Variants in NTM observed in about 807,000 individuals in gnomAD.
NTM encodes IgLON family member 2.
A neutral mutation model predicts 42.1 loss-of-function variants in NTM; 13 were observed. The observed-to-expected ratio is 0.31, with a 90% CI of 0.20 to 0.49. The LOEUF (loss-of-function observed/expected upper bound fraction) is 0.49. Among genes scored for constraint, NTM ranks in the 20% least tolerant of loss-of-function variants. The pLI, the probability that NTM is intolerant of heterozygous loss-of-function variation, is 0.99. For synonymous variants in NTM, 187 were observed against 179.2 expected, an observed-to-expected ratio of 1.04 and a Z score of -0.35; for missense variants, 373 against 452.8, an observed-to-expected ratio of 0.82 and a Z score of 1.60.
intron 2 of NTM, among the ~76,000 whole-genome samples, chr11:132,061,168 ACTAT>A (rs1275703564): frequency 5.3e-5 from 8 of 152,344 alleles, no homozygotes; most frequent in Admixed American, 2.6e-4. Flanking sequence ...AGATAAGTTC[ACTAT>A]CTAAGAAGTA....
At chr11:131,525,016 T>C (rs893914150) in intron 1 of NTM, among the ~76,000 whole-genome samples, 6 of 151,890 alleles carry the variant, frequency 4.0e-5, no homozygotes, top group African/African-American at 1.2e-4. Flanking sequence ...TTTAAGGTGA[T>C]GGGATGTATC....
At chr11:131,543,892 G>A (rs2053600820) in intron 1 of NTM, among the ~76,000 whole-genome samples, 1 of 152,188 alleles carries the variant, frequency 6.6e-6, no homozygotes, top group African/African-American at 2.4e-5. Context: ...ATAACAGTTA[G>A]TAAACACCAA....
intron 3 of NTM, among the ~76,000 whole-genome samples, chr11:132,187,936 C>A (rs1313041473): frequency 6.6e-6 from 1 of 152,176 alleles, no homozygotes; most frequent in African/African-American, 2.4e-5. Flanking sequence ...ACTAACATGT[C>A]TACGTGGAGA....
intron 4 of NTM, among the ~76,000 whole-genome samples, chr11:132,302,158 T>C (rs2094888913): frequency 1.3e-5 from 2 of 152,200 alleles, no homozygotes; most frequent in Admixed American, 1.3e-4. Context: ...TGATCACATA[T>C]CCAGCTTGCT....
chr11:132,041,564 A>G (rs950192171), intron 2 of NTM, among the ~76,000 whole-genome samples: 2 of 152,198 alleles, frequency 1.3e-5, no homozygotes, highest in Non-Finnish European at 2.9e-5. Context: ...ATAATTCCCC[A>G]AGATATATTT....
chr11:131,457,129 C>A (rs1199555140), intron 1 of NTM, among the ~76,000 whole-genome samples: 2 of 152,164 alleles, frequency 1.3e-5, no homozygotes, highest in Non-Finnish European at 2.9e-5. Flanking sequence ...GGTGTTGAAC[C>A]ATGAGAGAGT....
chr11:131,925,129 A>G (rs1435981465), intron 2 of NTM, among the ~76,000 whole-genome samples: 2 of 152,246 alleles, frequency 1.3e-5, no homozygotes, highest in African/African-American at 4.8e-5. Context: ...AAATGAGCAC[A>G]TATCCATAAT....
At chr11:131,890,178 G>GTC (rs1333519466) in intron 1 of NTM, among the ~76,000 whole-genome samples, 1,616 of 56,540 alleles carry the variant, frequency 0.029, 34 homozygotes, top group African/African-American at 0.11. Flanking sequence ...CTCTCTCTCT[G>GTC]TCTCTCTCTC....
intron 1 of NTM, among the ~76,000 whole-genome samples, chr11:131,447,742 A>G (rs1950171245): frequency 6.6e-6 from 1 of 152,128 alleles, no homozygotes; most frequent in African/African-American, 2.4e-5. Context: ...TAGATGTGGT[A>G]ATTGGATGAG....
chr11:132,001,499 C>T (rs1275696654), intron 2 of NTM, among the ~76,000 whole-genome samples: 1 of 152,100 alleles, frequency 6.6e-6, no homozygotes, highest in Non-Finnish European at 1.5e-5. Flanking sequence ...TGCTTGGCTT[C>T]TGGGGAGGCC....
At chr11:131,839,495 C>G (rs941664181) in intron 1 of NTM, among the ~76,000 whole-genome samples, 4 of 152,298 alleles carry the variant, frequency 2.6e-5, no homozygotes, top group Admixed American at 2.6e-4. Context: ...TCAGGCCATG[C>G]TATCCTGCTC....
intron 3 of NTM, among the ~76,000 whole-genome samples, chr11:132,171,467 A>G (rs2076109469): frequency 6.6e-6 from 1 of 152,136 alleles, no homozygotes; most frequent in Non-Finnish European, 1.5e-5. Flanking sequence ...ACATGGTGAG[A>G]GTGGTGAGGG....
chr11:131,719,070 C>T (rs562664992), intron 1 of NTM, among the ~76,000 whole-genome samples: 1 of 152,046 alleles, frequency 6.6e-6, no homozygotes, highest in African/African-American at 2.4e-5. Context: ...CCACCACACC[C>T]GGCTAATTTT....
At chr11:131,677,481 A>G (rs982077974) in intron 1 of NTM, among the ~76,000 whole-genome samples, 4 of 152,298 alleles carry the variant, frequency 2.6e-5, no homozygotes, top group Non-Finnish European at 5.9e-5. Flanking sequence ...GAGGAAAACT[A>G]TGGGGAAAGA....
At chr11:132,268,613 C>T (rs1487106787) in intron 4 of NTM, among the ~76,000 whole-genome samples, 2 of 146,646 alleles carry the variant, frequency 1.4e-5, no homozygotes, top group African/African-American at 5.0e-5. Context: ...GTGGTCTCCT[C>T]TGTGTGTGTG....
At chr11:131,426,754 G>A (rs75170943) in intron 1 of NTM, among the ~76,000 whole-genome samples, 275 of 152,278 alleles carry the variant, frequency 1.8e-3, no homozygotes, top group Non-Finnish European at 3.3e-3. Flanking sequence ...GCAGAGAGCT[G>A]TGGCCATTGG....
At chr11:131,733,510 CCTTCCTTCCTTTCTTT>C (rs2079991141) in intron 1 of NTM, among the ~76,000 whole-genome samples, 1 of 142,082 alleles carries the variant, frequency 7.0e-6, no homozygotes, top group African/African-American at 2.7e-5. Context: ...TTCCTTCCTT[CCTTCCTTCCTTTCTTT>C]CTTTCTTTCG....
At chr11:131,907,519 G>A (rs182232143) in intron 1 of NTM, among the ~76,000 whole-genome samples, 1 of 152,178 alleles carries the variant, frequency 6.6e-6, no homozygotes, top group South Asian at 2.1e-4. Flanking sequence ...AGCTTGAAAG[G>A]CATTGTCCTA....
chr11:132,136,897 C>T (rs1055817519), intron 2 of NTM, among the ~76,000 whole-genome samples: 1 of 152,100 alleles, frequency 6.6e-6, no homozygotes, highest in African/African-American at 2.4e-5. Context: ...GAGTGACACA[C>T]ATGCTGGCTT....
Sources: allele counts gnomAD v4.1 joint callset (sites outside exome capture counted in the v4.1 genomes callset), GRCh38; gene constraint gnomAD v4.1.1; transcripts MANE v1.5; gene names NCBI Gene and HGNC (gene_info 2026-07-23, HGNC 2026-07-21).